TXNRD2: variants seen among roughly 807,000 people sequenced by gnomAD.
The protein encoded by TXNRD2 is thioredoxin reductase 2, also known as thioredoxin reductase 2, mitochondrial.
In TXNRD2, 67 loss-of-function variants were observed where a neutral mutation model predicts 70.8. That is an observed-to-expected ratio of 0.95 (90% confidence interval 0.78 to 1.16). TXNRD2 has a LOEUF of 1.16. TXNRD2 is among the 50% of genes most tolerant of loss of function. The probability of loss-of-function intolerance (pLI) is 0.00; values close to 1 mark genes in which losing one functional copy is unlikely to be tolerated. For missense variants in TXNRD2, 644 were observed against 719.9 expected, an observed-to-expected ratio of 0.89 and a Z score of 1.21; for synonymous variants, 301 against 295.8, an observed-to-expected ratio of 1.02 and a Z score of -0.18.
At chr22:19,895,148 G>T (rs766848117) in intron 11 of TXNRD2, 11 of 1,598,362 alleles carry the variant, frequency 6.9e-6, no homozygotes, top group African/African-American at 2.7e-5. Flanking sequence ...CTCTTCTCTG[G>T]TTTTTTCCAG....
At chr22:19,893,465 G>A (rs1051167243) in intron 11 of TXNRD2, among the ~76,000 whole-genome samples, 6 of 152,194 alleles carry the variant, frequency 3.9e-5, no homozygotes, top group African/African-American at 1.2e-4. Flanking sequence ...ACGAGGACCC[G>A]CAGCCCTCCT....
At position 19,899,623 on chromosome 22, in the gene TXNRD2, G is replaced by A. The variant is rs780208506; in HGVS notation, c.663-555C>T. Among the ~76,000 whole-genome samples, 68 of 152,230 alleles carry A rather than the reference G, an allele frequency of 4.5e-4. 2 individuals carry two copies. Among genetic ancestry groups the A allele is most frequent in the South Asian group, 2.1e-4 (1 of 4,830 alleles). ...CAAGGGAGGCAGCACAGGACACTGC[G>A]ACCAGCAGTCATTGGAAATATTTGC... On this transcript the variant is annotated intron_variant, in intron 8 of 17. Transcript: ENST00000400521.
At chr22:19,892,115 C>A (rs889538324) in intron 11 of TXNRD2, among the ~76,000 whole-genome samples, 6 of 152,260 alleles carry the variant, frequency 3.9e-5, no homozygotes, top group Non-Finnish European at 7.3e-5. Flanking sequence ...GTAGTGCACA[C>A]CCGGTACAGG....
intron 17 of TXNRD2, chr22:19,876,019 TAACAA>T (rs1938489382): frequency 6.6e-6 from 1 of 152,274 alleles, no homozygotes; most frequent in African/African-American, 2.4e-5. Flanking sequence ...AGCAGGCTCC[TAACAA>T]AACAGCTCTG....
chr22:19,885,755 G>A (rs531129184), intron 11 of TXNRD2, among the ~76,000 whole-genome samples: 1 of 152,342 alleles, frequency 6.6e-6, no homozygotes, highest in African/African-American at 2.4e-5. Flanking sequence ...ACTCTCCTCT[G>A]CACGCTTGCC....
At chr22:19,913,157 C>G (rs1343662469) in intron 7 of TXNRD2, among the ~76,000 whole-genome samples, 2 of 152,218 alleles carry the variant, frequency 1.3e-5, no homozygotes, top group African/African-American at 4.8e-5. Flanking sequence ...ACTCTGCCCC[C>G]ACAACCCACA....
At chr22:19,914,992 G>A (rs1011260123) in intron 7 of TXNRD2, 28 of 554,272 alleles carry the variant, frequency 5.1e-5, no homozygotes, top group African/African-American at 9.4e-5. Flanking sequence ...AGAGCAGAAC[G>A]AGAGCTGTCC....
At chr22:19,890,441 T>G (rs1012586797) in intron 11 of TXNRD2, among the ~76,000 whole-genome samples, 1 of 152,178 alleles carries the variant, frequency 6.6e-6, no homozygotes, top group Non-Finnish European at 1.5e-5. Context: ...CCTGAGAGCA[T>G]GGAGGCATGT....
intron 2 of TXNRD2, among the ~76,000 whole-genome samples, chr22:19,926,174 AAAAAG>A (rs1254565204): frequency 3.3e-5 from 5 of 150,468 alleles, no homozygotes; most frequent in African/African-American, 7.3e-5. Context: ...AAAAAAAAAA[AAAAAG>A]AAAGAAAAAG....
At chr22:19,925,081 G>C (rs769450330) in intron 2 of TXNRD2, among the ~76,000 whole-genome samples, 3 of 151,006 alleles carry the variant, frequency 2.0e-5, no homozygotes, top group South Asian at 2.1e-4. Context: ...TCAGGAGATC[G>C]AGACCATCCT....
rs540016076 is a variant in TXNRD2, at chr22:19,925,133, A to G, written c.173-5534T>C. 7.9e-5 allele frequency among the ~76,000 whole-genome samples: 12 copies of G among 151,864 alleles called. No individual in the cohort carries two copies. In the East Asian group the frequency reaches 2.3e-3, roughly 29 times the overall value. On this transcript the variant is annotated intron_variant, in intron 2 of 17. Coordinates refer to ENST00000400521, the MANE Select transcript of TXNRD2 (RefSeq NM_006440.5). The stretch of plus-strand genomic sequence containing the variant: ...CCCCGTTTCTACTAAAATCACAAAA[A>G]ATTAGACGGGCATGGTGGCATGCGC...
intron 11 of TXNRD2, among the ~76,000 whole-genome samples, chr22:19,892,567 G>A (rs986080303): frequency 6.6e-6 from 1 of 152,262 alleles, no homozygotes; most frequent in Non-Finnish European, 1.5e-5. Context: ...GGCCTCGCTT[G>A]TTGCCTGCCA....
rs923193498 is a variant in TXNRD2, at chr22:19,931,027, T to C, written c.172+3A>G. The C allele has an allele frequency of 5.6e-6, 9 of 1,612,236 alleles. No homozygotes were observed. The highest frequency in any genetic ancestry group is 1.3e-5 in the African/African-American group (1 of 74,866). ...CTTGCCACGAAGTATACAGAATACA[T>C]ACCCTCCTTGGCACAAGCCAGGCCA... is the stretch of plus-strand genomic sequence containing the variant. On this transcript the variant is annotated splice_donor_region_variant and intron_variant, in intron 2 of 17. Coordinates refer to ENST00000400521, the MANE Select transcript of TXNRD2 (RefSeq NM_006440.5).
intron 1 of TXNRD2, chr22:19,933,486 G>A (rs1243988726): frequency 1.0e-5 from 13 of 1,289,502 alleles, no homozygotes; most frequent in Admixed American, 4.6e-5. Context: ...CCCTTGTTAG[G>A]TCATCCTGCC....
rs1400064344 is a variant in TXNRD2, at chr22:19,918,942, G to A, written c.292C>T (p.His98Tyr). The change falls in exon 4 of 18, where the codon CAC becomes TAC. Residue 98 changes from histidine (H) to tyrosine (Y), a missense_variant. Around this residue, in one of 3 missense-constraint regions of TXNRD2, gnomAD observed 566 missense variants for 645.0 expected, o/e 0.88. Coordinates refer to ENST00000400521, the MANE Select transcript of TXNRD2 (RefSeq NM_006440.5). Reference sequence around the variant, plus strand: ...AGGCCTCCCAGCAGTGCCGCCTGGTGCATCAGCTTCTTGGGGATGCAGCCC... The same window carrying A: ...AGGCCTCCCAGCAGTGCCGCCTGGTACATCAGCTTCTTGGGGATGCAGCCC... ...NVGCIPKKLM[H>Y]QAALLGGLIQ... 2 of 1,612,960 alleles carry A rather than the reference G, an allele frequency of 1.2e-6. No homozygotes were observed. The highest frequency in any genetic ancestry group is 1.7e-5 in the Admixed American group (1 of 60,000).
chr22:19,895,698 G>A (rs565525243), intron 10 of TXNRD2, 117 bp from the exon 11 acceptor site: 90 of 1,167,342 alleles, frequency 7.7e-5, no homozygotes, highest in African/African-American at 1.1e-4. Flanking sequence ...TGCGGAAGAC[G>A]GGGTGAGACA....
At chr22:19,928,114 T>TAA (rs34625951) in intron 2 of TXNRD2, among the ~76,000 whole-genome samples, 1 of 142,994 alleles carries the variant, frequency 7.0e-6, no homozygotes, top group South Asian at 2.2e-4. Context: ...TTTTTTTTAA[T>TAA]AAAAAAAAAA....
chr22:19,938,308 G>A (rs1941598036), intron 1 of TXNRD2: 1 of 152,210 alleles, frequency 6.6e-6, no homozygotes, highest in Non-Finnish European at 1.5e-5. Flanking sequence ...CGGCCAGTGA[G>A]TCAATTGCTC....
intron 2 of TXNRD2, among the ~76,000 whole-genome samples, chr22:19,929,643 C>A (rs928717713): frequency 6.6e-6 from 1 of 152,134 alleles, no homozygotes; most frequent in Non-Finnish European, 1.5e-5. Flanking sequence ...CAGCCCTGCC[C>A]GCACCTGGAT....
Sources: allele counts gnomAD v4.1 joint callset (sites outside exome capture counted in the v4.1 genomes callset), GRCh38; gene constraint gnomAD v4.1.1; regional missense constraint gnomAD v4.1.1; transcripts MANE v1.5; gene names NCBI Gene and HGNC (gene_info 2026-07-23, HGNC 2026-07-21).